ZMAT4: variants seen among roughly 807,000 people sequenced by gnomAD.
ZMAT4 encodes zinc finger matrin-type 4, also known as zinc finger matrin-type protein 4.
ZMAT4 carries 17 observed loss-of-function variants against 28.7 expected under a neutral mutation model. The observed-to-expected ratio is 0.59, with a 90% CI of 0.41 to 0.89. ZMAT4 has a LOEUF of 0.89. ZMAT4 is among the 40% of genes least tolerant of loss of function. The probability of loss-of-function intolerance (pLI) is 0.00; values close to 1 mark genes in which losing one functional copy is unlikely to be tolerated. For missense variants in ZMAT4, 240 were observed against 283.8 expected (o/e 0.85, Z 1.11); for synonymous variants, 117 against 109.2 (o/e 1.07, Z -0.44).
intron 1 of ZMAT4, among the ~76,000 whole-genome samples, chr8:40,835,246 C>T (rs1343355037): frequency 3.3e-5 from 5 of 152,134 alleles, no homozygotes; most frequent in Admixed American, 3.3e-4. Context: ...CAGAAAAGAT[C>T]ACTAGCCTGC....
intron 3 of ZMAT4, among the ~76,000 whole-genome samples, chr8:40,708,259 C>G (rs1401706877): frequency 1.3e-5 from 2 of 152,286 alleles, no homozygotes; most frequent in Non-Finnish European, 2.9e-5. Flanking sequence ...TGTGTGAGAA[C>G]AGCAGCTGGC....
At chr8:40,856,571 T>A in intron 1 of ZMAT4, among the ~76,000 whole-genome samples, 1 of 152,096 alleles carries the variant, frequency 6.6e-6, no homozygotes, top group Non-Finnish European at 1.5e-5. Flanking sequence ...GAATCAAAGG[T>A]GATTATGACT....
chr8:40,580,161 T>C (rs1444459465), intron 6 of ZMAT4, among the ~76,000 whole-genome samples: 2 of 151,942 alleles, frequency 1.3e-5, no homozygotes, highest in Admixed American at 6.6e-5. Context: ...TACAGGCACG[T>C]GCCACCACGC....
Position 40,854,929 on chromosome 8 carries a change from T to TCA in ZMAT4, c.-4-29251_-4-29250dup, listed in dbSNP as rs148119447. ...TTTTTTAAAGGGCTAATTATTGTTT[T>TCA]CACACACACACACACACGCAGAAAA... On this transcript the variant is annotated intron_variant, in intron 1 of 6. Transcript: ENST00000297737. Among the ~76,000 whole-genome samples, 948 of 151,292 alleles carry TCA rather than the reference T, an allele frequency of 6.3e-3. 9 individuals are homozygous for TCA. The highest frequency in any genetic ancestry group is 0.018 in the African/African-American group (723 of 41,276).
chr8:40,663,917 T>C (rs1160572789), intron 5 of ZMAT4, among the ~76,000 whole-genome samples: 3 of 152,202 alleles, frequency 2.0e-5, no homozygotes, highest in African/African-American at 7.2e-5. Context: ...TTTTAATTGA[T>C]TAAATGTAAT....
Position 40,707,301 on chromosome 8 carries a change from G to T in ZMAT4, c.193-9900C>A, listed in dbSNP as rs553694115. 1.2e-3 allele frequency among the ~76,000 whole-genome samples: 176 copies of T among 143,960 alleles called. 1 individual carries two copies. Among genetic ancestry groups the T allele is most frequent in the South Asian group, 3.9e-3 (18 of 4,582 alleles). 94.4% of individuals were successfully genotyped at this position (143,960 alleles called of 152,430 possible). A position where few individuals can be genotyped will look rare whatever the true frequency, so the allele number is the denominator to read the frequency against. On this transcript the variant is annotated intron_variant, in intron 3 of 6. Transcript: ENST00000297737. Reference sequence around the variant, plus strand: ...AAACTCAATTATTTGGGCTGAAAAGGTGTCATCTCTAACCCCCAGCACAGT... The same window carrying T: ...AAACTCAATTATTTGGGCTGAAAAGTTGTCATCTCTAACCCCCAGCACAGT...
intron 3 of ZMAT4, among the ~76,000 whole-genome samples, chr8:40,710,303 T>G (rs536499578): frequency 6.6e-6 from 1 of 152,336 alleles, no homozygotes; most frequent in Non-Finnish European, 1.5e-5. Context: ...TGCACAATAT[T>G]ATTGGATAAA....
chr8:40,543,641 T>G (rs1466441939), intron 6 of ZMAT4, among the ~76,000 whole-genome samples: 2 of 152,158 alleles, frequency 1.3e-5, no homozygotes, highest in Non-Finnish European at 2.9e-5. Context: ...CCCTAATCTC[T>G]AAATTAAGAA....
At chr8:40,711,341 T>C (rs1810611429) in intron 3 of ZMAT4, among the ~76,000 whole-genome samples, 1 of 152,176 alleles carries the variant, frequency 6.6e-6, no homozygotes, top group Admixed American at 6.5e-5. Flanking sequence ...TCCAATGAAT[T>C]AATGGATCTA....
chr8:40,773,860 A>G (rs1292695769), intron 2 of ZMAT4, among the ~76,000 whole-genome samples: 2 of 152,144 alleles, frequency 1.3e-5, no homozygotes, highest in African/African-American at 4.8e-5. Flanking sequence ...TGAGAAAAAA[A>G]AAGAAACTAA....
chr8:40,683,169 TA>T (rs1407868771), intron 4 of ZMAT4, among the ~76,000 whole-genome samples: 1 of 152,196 alleles, frequency 6.6e-6, no homozygotes, highest in African/African-American at 2.4e-5. Context: ...GTAACTTACA[TA>T]AGAGAAGAAA....
chr8:40,579,000 T>C (rs1214836037), intron 6 of ZMAT4, among the ~76,000 whole-genome samples: 3 of 152,198 alleles, frequency 2.0e-5, no homozygotes, highest in Non-Finnish European at 4.4e-5. Context: ...AGGGTGATAG[T>C]GGGCAAGTCA....
In ZMAT4 at chr8:40,860,677, T is replaced by C. The variant is rs150423738; in HGVS notation, c.-4-34997A>G. 2.5e-4 allele frequency among the ~76,000 whole-genome samples: 38 copies of C among 152,346 alleles called. No individual in the cohort carries two copies. In the East Asian group the frequency reaches 7.3e-3, roughly 29 times the overall value. ...ACACAGACCACATACTACATGTCTC[T>C]CACTTGACTGGGAAGAGCTTCTGGC... On this transcript the variant is annotated intron_variant, in intron 1 of 6. Coordinates refer to ENST00000297737, the MANE Select transcript of ZMAT4 (RefSeq NM_024645.3).
At chr8:40,884,882 C>A (rs910901443) in intron 1 of ZMAT4, 4 of 152,248 alleles carry the variant, frequency 2.6e-5, no homozygotes, top group African/African-American at 9.6e-5. Flanking sequence ...TTCCGTGCTG[C>A]AGCAGCAATG....
intron 1 of ZMAT4, among the ~76,000 whole-genome samples, chr8:40,866,109 C>T (rs1817669157): frequency 6.6e-6 from 1 of 152,206 alleles, no homozygotes; most frequent in African/African-American, 2.4e-5. Context: ...CCAACCCTGA[C>T]CTTCAAGGGC....
At chr8:40,865,942 C>T (rs1004887992) in intron 1 of ZMAT4, among the ~76,000 whole-genome samples, 4 of 152,316 alleles carry the variant, frequency 2.6e-5, no homozygotes, top group Middle Eastern at 3.4e-3. Flanking sequence ...ACGATGCAAG[C>T]GACTGGATTC....
chr8:40,872,551 G>A (rs1205186972), intron 1 of ZMAT4, among the ~76,000 whole-genome samples: 1 of 152,188 alleles, frequency 6.6e-6, no homozygotes, highest in African/African-American at 2.4e-5. Flanking sequence ...GTGAGCTGTT[G>A]GGGGTAAGGG....
intron 2 of ZMAT4, among the ~76,000 whole-genome samples, chr8:40,820,765 G>C (rs1815753693): frequency 6.9e-6 from 1 of 145,696 alleles, no homozygotes. Context: ...GCATATGCAT[G>C]TGTATATGTG....
At chr8:40,551,263 G>A (rs1803361111) in intron 6 of ZMAT4, among the ~76,000 whole-genome samples, 1 of 152,138 alleles carries the variant, frequency 6.6e-6, no homozygotes, top group African/African-American at 2.4e-5. Context: ...ACACAAGCCT[G>A]GGGGACAGGG....
Sources: allele counts gnomAD v4.1 joint callset (sites outside exome capture counted in the v4.1 genomes callset), GRCh38; gene constraint gnomAD v4.1.1; transcripts MANE v1.5; gene names NCBI Gene and HGNC (gene_info 2026-07-23, HGNC 2026-07-21).